The following PRRG4 variants were observed in gnomAD, a reference collection of about 807,000 sequenced individuals.
The protein encoded by PRRG4 is proline rich and Gla domain 4, also known as transmembrane gamma-carboxyglutamic acid protein 4.
In PRRG4, 12 loss-of-function variants were observed where a neutral mutation model predicts 20.0. The ratio of observed to expected loss-of-function variants is 0.60; its 90% confidence interval spans 0.38 to 0.97. PRRG4 has a LOEUF of 0.97. Among genes scored for constraint, PRRG4 ranks in the 50% least tolerant of loss-of-function variants. The probability of loss-of-function intolerance (pLI) is 0.00; values close to 1 mark genes in which losing one functional copy is unlikely to be tolerated. For missense variants in PRRG4, 199 were observed against 265.1 expected (o/e 0.75, Z 1.73); for synonymous variants, 94 against 96.4 (o/e 0.98, Z 0.15).
intron 3 of PRRG4, among the ~76,000 whole-genome samples, chr11:32,838,367 G>A (rs1214387642): frequency 1.3e-5 from 2 of 151,754 alleles, no homozygotes; most frequent in Non-Finnish European, 1.5e-5. Flanking sequence ...GAGGTGGGAG[G>A]ATCGTTTGAG....
chr11:32,844,231 T>G (rs1234803622), intron 5 of PRRG4, among the ~76,000 whole-genome samples: 5 of 152,154 alleles, frequency 3.3e-5, no homozygotes, highest in African/African-American at 4.8e-5. Flanking sequence ...TGCCTCAGTT[T>G]CTCTGTGAGT....
intron 5 of PRRG4, among the ~76,000 whole-genome samples, chr11:32,852,601 C>T (rs1437229811): frequency 6.6e-6 from 1 of 152,000 alleles, no homozygotes; most frequent in Non-Finnish European, 1.5e-5. Flanking sequence ...TGTTTTGAGT[C>T]CTTTTTCTAG....
chr11:32,836,293 A>T (rs1013702060), intron 2 of PRRG4, among the ~76,000 whole-genome samples: 2 of 152,134 alleles, frequency 1.3e-5, no homozygotes, highest in African/African-American at 4.8e-5. Flanking sequence ...GTTGTCCATG[A>T]TGCCCCACTA....
rs1851220817 is a variant in PRRG4, at chr11:32,855,306, GTT to G, written c.*1781_*1782del. On this transcript the variant is annotated 3_prime_UTR_variant, in exon 6 of 6. Transcript: ENST00000257836. ...TGGGTGGGTATGTAGGTATATGTGA[GTT>G]TGTTTCCTCTTCCAGGAGCTCAAGA... The G allele has an allele frequency of 6.6e-6, 1 of 152,114 alleles. No individual in the cohort carries two copies. The highest frequency in any genetic ancestry group is 2.4e-5 in the African/African-American group (1 of 41,422). 9.4% of individuals were successfully genotyped at this position (152,114 alleles called of 1,614,324 possible).
At chr11:32,844,603 C>T (rs1477768464) in intron 5 of PRRG4, among the ~76,000 whole-genome samples, 3 of 151,760 alleles carry the variant, frequency 2.0e-5, no homozygotes, top group Non-Finnish European at 2.9e-5. Flanking sequence ...TGGGTTCAAG[C>T]GATTCTCCTG....
intron 5 of PRRG4, among the ~76,000 whole-genome samples, chr11:32,848,006 G>A (rs748523690): frequency 6.6e-5 from 10 of 152,188 alleles, no homozygotes; most frequent in Non-Finnish European, 1.0e-4. Flanking sequence ...GGATAGGGAT[G>A]TCTTAGTTTA....
intron 5 of PRRG4, among the ~76,000 whole-genome samples, chr11:32,852,772 C>CA (rs1372851192): frequency 7.9e-6 from 1 of 126,702 alleles, no homozygotes; most frequent in Non-Finnish European, 1.7e-5. Context: ...TCAGATTTCT[C>CA]TTTTTTTTTT....
chr11:32,853,072 G>A (rs1209242019), intron 5 of PRRG4, among the ~76,000 whole-genome samples: 2 of 151,606 alleles, frequency 1.3e-5, no homozygotes, highest in East Asian at 3.9e-4. Flanking sequence ...ACAGGCGTGA[G>A]CCACCACGCC....
Position 32,830,120 on chromosome 11 carries a change from C to G in PRRG4, c.-76C>G, listed in dbSNP as rs769314246. ...AGGGCCTGGCGGCCGAAGGAACCGC[C>G]CCAAGAAGAGCCTCTGGCCCGGGGG... On this transcript the variant is annotated 5_prime_UTR_variant, in exon 1 of 6. Coordinates refer to ENST00000257836, the MANE Select transcript of PRRG4 (RefSeq NM_024081.6). 1,241 of 996,330 alleles carry G rather than the reference C, an allele frequency of 1.2e-3. 2 individuals are homozygous for G. The highest frequency in any genetic ancestry group is 1.5e-3 in the Non-Finnish European group (1,216 of 837,716). 61.7% of individuals were successfully genotyped at this position (996,330 alleles called of 1,614,324 possible).
Position 32,854,920 on chromosome 11 carries a change from G to A in PRRG4, c.*1393G>A, listed in dbSNP as rs1851217635. Reference sequence around the variant, plus strand: ...TCAAATAAACAGACCTAAAATCTAGGAGACACTAGAACTTAATGAAGTTGC... The same window carrying A: ...TCAAATAAACAGACCTAAAATCTAGAAGACACTAGAACTTAATGAAGTTGC... On this transcript the variant is annotated 3_prime_UTR_variant, in exon 6 of 6. Transcript: ENST00000257836. The A allele has an allele frequency of 6.6e-6, 1 of 152,158 alleles. No homozygotes were observed. Among genetic ancestry groups the A allele is most frequent in the Admixed American group, 6.5e-5 (1 of 15,272 alleles). 9.4% of individuals were successfully genotyped at this position (152,158 alleles called of 1,614,324 possible).
chr11:32,846,560 T>G (rs949951080), intron 5 of PRRG4, among the ~76,000 whole-genome samples: 1 of 150,502 alleles, frequency 6.6e-6, no homozygotes, highest in African/African-American at 2.4e-5. Context: ...TAGTCTGGTT[T>G]TCTTAAGTAA....
chr11:32,853,110 G>GT (rs1851198384), intron 5 of PRRG4, among the ~76,000 whole-genome samples, 186 bp from the exon 6 acceptor site: 1 of 152,040 alleles, frequency 6.6e-6, no homozygotes, highest in African/African-American at 2.4e-5. Context: ...TCAAACCCAT[G>GT]TCTGACTCAA....
chr11:32,830,340 C>T (rs1850955418), intron 1 of PRRG4, among the ~76,000 whole-genome samples, 167 bp downstream of exon 1: 1 of 152,210 alleles, frequency 6.6e-6, no homozygotes, highest in Non-Finnish European at 1.5e-5. Context: ...CAGGCGCTCT[C>T]AGGGGCTGCT....
chr11:32,830,247 G>T (rs1355193531), intron 1 of PRRG4, 74 bp downstream of exon 1: 1 of 1,058,176 alleles, frequency 9.5e-7, no homozygotes, highest in Non-Finnish European at 1.2e-6. Context: ...GACTGGGTTG[G>T]ATTCGAACAC....
intron 5 of PRRG4, among the ~76,000 whole-genome samples, chr11:32,845,970 C>A (rs1298145560): frequency 2.0e-5 from 3 of 151,968 alleles, no homozygotes; most frequent in African/African-American, 7.2e-5. Context: ...GCCTGGGCAA[C>A]ATGATAAAAC....
intron 5 of PRRG4, among the ~76,000 whole-genome samples, chr11:32,847,676 C>T (rs894127955): frequency 2.6e-5 from 4 of 152,124 alleles, no homozygotes; most frequent in Non-Finnish European, 4.4e-5. Flanking sequence ...AAAACAGGAA[C>T]TCAAACAGAT....
At chr11:32,852,667 A>T (rs768210119) in intron 5 of PRRG4, among the ~76,000 whole-genome samples, 1 of 151,500 alleles carries the variant, frequency 6.6e-6, no homozygotes, top group African/African-American at 2.4e-5. Context: ...ACACAAACCA[A>T]CTCTGTGGAG....
At chr11:32,842,833 T>A (rs1851091110) in intron 5 of PRRG4, among the ~76,000 whole-genome samples, 1 of 152,178 alleles carries the variant, frequency 6.6e-6, no homozygotes, top group Non-Finnish European at 1.5e-5. Context: ...AATAAAAATA[T>A]TTTCTCTTGA....
chr11:32,853,175 A>G, intron 5 of PRRG4, 121 bp from the exon 6 acceptor site: 1 of 698,038 alleles, frequency 1.4e-6, no homozygotes. Context: ...GTAAAATAAA[A>G]CTGTTATATT....
Sources: gnomAD v4.1 joint callset for allele counts (sites outside exome capture counted in the v4.1 genomes callset) on GRCh38, gnomAD v4.1.1 for gene constraint, MANE v1.5 for transcripts, NCBI Gene and HGNC (gene_info 2026-07-23, HGNC 2026-07-21) for gene names.